STYX: variants seen among roughly 807,000 people sequenced by gnomAD.
STYX encodes serine/threonine/tyrosine interacting protein, also known as serine/threonine/tyrosine-interacting protein.
Under a neutral mutation model 42.7 loss-of-function variants are expected in STYX, and 20 were observed. That is an observed-to-expected ratio of 0.47 (90% CI 0.33 to 0.68). The LOEUF (loss-of-function observed/expected upper bound fraction) is 0.68. Among genes scored for constraint, STYX ranks in the 30% least tolerant of loss-of-function variants. The pLI, the probability that STYX is intolerant of heterozygous loss-of-function variation, is 0.02. For missense variants in STYX, 226 were observed against 268.5 expected (o/e 0.84, Z 1.11); for synonymous variants, 78 against 81.9 (o/e 0.95, Z 0.26).
chr14:52,765,263 GGAAT>G (rs1882254947), intron 9 of STYX, among the ~76,000 whole-genome samples: 1 of 152,046 alleles, frequency 6.6e-6, no homozygotes, highest in African/African-American at 2.4e-5. Flanking sequence ...CGCCCAGGCT[GGAAT>G]GAGTGCAGTG....
intron 1 of STYX, among the ~76,000 whole-genome samples, chr14:52,734,547 T>C (rs533972329): frequency 6.6e-6 from 1 of 152,246 alleles, no homozygotes; most frequent in East Asian, 1.9e-4. Flanking sequence ...AAGACACTCC[T>C]ATTAGAAAAT....
chr14:52,746,950 G>A (rs559739659), intron 3 of STYX, among the ~76,000 whole-genome samples: 25 of 152,218 alleles, frequency 1.6e-4, no homozygotes, highest in African/African-American at 5.5e-4. Context: ...TGGTATCCCC[G>A]CTCTGAAATT....
At chr14:52,731,792 T>A (rs565220875) in intron 1 of STYX, 2 of 152,140 alleles carry the variant, frequency 1.3e-5, no homozygotes, top group East Asian at 3.9e-4. Context: ...GACAATTACA[T>A]TTGTTTTAAG....
intron 4 of STYX, among the ~76,000 whole-genome samples, chr14:52,752,801 A>G (rs908048596): frequency 4.0e-5 from 6 of 151,828 alleles, no homozygotes; most frequent in Non-Finnish European, 8.8e-5. Context: ...GATTGCTTCT[A>G]AGAAGGAAAA....
chr14:52,750,600 A>G (rs1361556288), intron 3 of STYX, 83 bp from the exon 4 acceptor site: 3 of 912,856 alleles, frequency 3.3e-6, no homozygotes, highest in Non-Finnish European at 5.0e-6. Context: ...ATTTTCAAAC[A>G]TCTGTGTTAT....
intron 1 of STYX, among the ~76,000 whole-genome samples, chr14:52,741,228 A>T (rs76840301): frequency 0.13 from 16,396 of 125,946 alleles, 991 homozygotes; most frequent in Non-Finnish European, 0.14. Context: ...ATATATATAT[A>T]TATTTTTTTT....
chr14:52,734,725 T>G (rs956459292), intron 1 of STYX, among the ~76,000 whole-genome samples: 1 of 152,216 alleles, frequency 6.6e-6, no homozygotes, highest in Admixed American at 6.5e-5. Context: ...GTTTGGTATC[T>G]TTTGGTTGCA....
intron 8 of STYX, 139 bp downstream of exon 8, chr14:52,758,063 T>G (rs1881945710): frequency 3.3e-6 from 3 of 907,476 alleles, no homozygotes; most frequent in African/African-American, 1.7e-5. Context: ...AGGCCCTTAT[T>G]CCATGATTAG....
Position 52,730,288 on chromosome 14 carries a change from C to A in STYX, c.-187C>A. The A allele has an allele frequency of 1.6e-6, 1 of 615,108 alleles. No individual in the cohort carries two copies. Among genetic ancestry groups the A allele is most frequent in the Non-Finnish European group, 2.9e-6 (1 of 346,020 alleles). 38.1% of individuals were successfully genotyped at this position (615,108 alleles called of 1,614,324 possible). A position where few individuals can be genotyped will look rare whatever the true frequency, so the allele number is the denominator to read the frequency against. ...GACGCCCGACCCTCCTCTTCCCTGT[C>A]TTCGCCGCCGCCGCTGCTGGAGTCA... On this transcript the variant is annotated 5_prime_UTR_variant, in exon 1 of 11. Coordinates refer to ENST00000354586, the MANE Select transcript of STYX (RefSeq NM_145251.4).
At chr14:52,730,623 T>G in intron 1 of STYX, 92 bp downstream of exon 1, 1 of 1,441,920 alleles carries the variant, frequency 6.9e-7, no homozygotes, top group Non-Finnish European at 9.5e-7. Context: ...AGCCGCCACC[T>G]GTACGGGCGC....
chr14:52,731,403 A>G (rs1880694440), intron 1 of STYX, among the ~76,000 whole-genome samples: 1 of 133,210 alleles, frequency 7.5e-6, no homozygotes, highest in Non-Finnish European at 1.7e-5. Context: ...CCGAATATTT[A>G]TTCTATTGAA....
intron 1 of STYX, among the ~76,000 whole-genome samples, chr14:52,732,706 T>G (rs567500242): frequency 6.6e-6 from 1 of 152,214 alleles, no homozygotes; most frequent in Non-Finnish European, 1.5e-5. Flanking sequence ...GTTTCACTCT[T>G]GTTGCCCAGG....
At chr14:52,736,329 A>G (rs1594863083) in intron 1 of STYX, among the ~76,000 whole-genome samples, 1 of 152,288 alleles carries the variant, frequency 6.6e-6, no homozygotes, top group East Asian at 1.9e-4. Context: ...GTACTTTAAT[A>G]CTTACCTTTG....
rs1881332960 is a variant in STYX, at chr14:52,744,861, TA to T, written c.68del (p.Tyr23SerfsTer3). On this transcript the variant is annotated frameshift_variant, in exon 2 of 11. Coordinates refer to ENST00000354586, the MANE Select transcript of STYX (RefSeq NM_145251.4). LOFTEE classifies it high-confidence loss of function. ...QCKEDAEEWT[Y>X]PMRREMQEIL... ...ATGTTTTCCTTCCCAGGAGTGGACC[TA>T]CCCTATGAGACGAGAGATGCAGGTA... 1.2e-6 allele frequency: 2 copies of T among 1,613,432 alleles called. No individual in the cohort carries two copies. Among genetic ancestry groups the T allele is most frequent in the Non-Finnish European group, 1.7e-6 (2 of 1,179,758 alleles).
rs1460315269 is a variant in STYX, at chr14:52,772,805, CCCCTT to C, written c.*1706_*1710del. On this transcript the variant is annotated 3_prime_UTR_variant, in exon 11 of 11. Coordinates refer to ENST00000354586, the MANE Select transcript of STYX (RefSeq NM_145251.4). ...GTGATATTTCTCTTCTGATTTCCCT[CCCCTT>C]CCCTTCTCTTATCTTACCACTGTGA... 4 of 151,724 alleles carry C rather than the reference CCCCTT, an allele frequency of 2.6e-5. No homozygotes were observed. Among genetic ancestry groups the C allele is most frequent in the Non-Finnish European group, 5.9e-5 (4 of 67,958 alleles). 9.4% of individuals were successfully genotyped at this position (151,724 alleles called of 1,614,324 possible).
At chr14:52,761,630 G>A (rs903958002) in intron 9 of STYX, among the ~76,000 whole-genome samples, 1 of 142,792 alleles carries the variant, frequency 7.0e-6, no homozygotes, top group Non-Finnish European at 1.5e-5. Context: ...GTGCAATGGC[G>A]CCATCTCGGT....
chr14:52,733,474 C>G (rs1299061267), intron 1 of STYX, among the ~76,000 whole-genome samples: 1 of 152,132 alleles, frequency 6.6e-6, no homozygotes, highest in East Asian at 1.9e-4. Context: ...AGGTTAATGG[C>G]TCAGTCCCGC....
chr14:52,750,915 C>A, intron 4 of STYX, 135 bp downstream of exon 4: 1 of 468,640 alleles, frequency 2.1e-6, no homozygotes. Context: ...ATAAATTTTA[C>A]TTAAAATACT....
chr14:52,747,600 G>T (rs547636208), intron 3 of STYX, among the ~76,000 whole-genome samples: 1 of 152,190 alleles, frequency 6.6e-6, no homozygotes, highest in Admixed American at 6.5e-5. Flanking sequence ...CAAGGTTATT[G>T]TCCATATAAT....
Sources: allele counts gnomAD v4.1 joint callset (sites outside exome capture counted in the v4.1 genomes callset), GRCh38; gene constraint gnomAD v4.1.1; transcripts MANE v1.5; gene names NCBI Gene and HGNC (gene_info 2026-07-23, HGNC 2026-07-21).